The following ADAMTS2 variants were observed in gnomAD, a reference collection of about 807,000 sequenced individuals.
ADAMTS2 encodes the protein A disintegrin and metalloproteinase with thrombospondin motifs 2.
In ADAMTS2, 50 loss-of-function variants were observed where a neutral mutation model predicts 123.0. The ratio of observed to expected loss-of-function variants is 0.41; its 90% CI spans 0.32 to 0.51. The LOEUF is 0.51. Among genes scored for constraint, ADAMTS2 ranks in the 20% least tolerant of loss-of-function variants. The probability of loss-of-function intolerance (pLI) is 0.35; values close to 1 mark genes in which losing one functional copy is unlikely to be tolerated. For missense variants in ADAMTS2, 1,494 were observed against 1,705.2 expected (o/e 0.88, Z 2.18); for synonymous variants, 678 against 695.4 (o/e 0.98, Z 0.39).
intron 6 of ADAMTS2, among the ~76,000 whole-genome samples, chr5:179,156,961 C>CTTTTTTTTTTT (rs70997667): frequency 5.5e-5 from 6 of 108,336 alleles, no homozygotes; most frequent in Admixed American, 1.0e-4. Flanking sequence ...TTCATTTTTT[C>CTTTTTTTTTTT]TTTTTTTTTT....
chr5:179,171,472 A>G (rs1324144866), intron 5 of ADAMTS2, among the ~76,000 whole-genome samples: 1 of 152,224 alleles, frequency 6.6e-6, no homozygotes, highest in Non-Finnish European at 1.5e-5. Context: ...TCCAACCTAA[A>G]GCAACGAGGA....
rs972076648 is a variant in ADAMTS2, at chr5:179,159,154, T to C, written c.976-275A>G. On this transcript the variant is annotated intron_variant, in intron 5 of 21. Coordinates refer to ENST00000251582, the MANE Select transcript of ADAMTS2 (RefSeq NM_014244.5). ...TGCAGAAGCCAAGCTCTACGTCATC[T>C]AAGGCCTCGCATAGTCCCACCGTCT... Among the ~76,000 whole-genome samples, 4 of 152,236 alleles carry C rather than the reference T, an allele frequency of 2.6e-5. No individual in the cohort carries two copies. In the East Asian group the frequency reaches 7.7e-4, roughly 29 times the overall value.
intron 2 of ADAMTS2, among the ~76,000 whole-genome samples, chr5:179,273,504 C>T (rs969321983): frequency 2.0e-5 from 3 of 152,118 alleles, no homozygotes; most frequent in South Asian, 2.1e-4. Flanking sequence ...AACAGCCAGC[C>T]GGGGATTGAA....
At chr5:179,267,475 C>T (rs1360704450) in intron 3 of ADAMTS2, among the ~76,000 whole-genome samples, 3 of 152,174 alleles carry the variant, frequency 2.0e-5, no homozygotes, top group East Asian at 1.9e-4. Flanking sequence ...GTCACTGGCA[C>T]GTTGCTGTCT....
At chr5:179,315,933 G>A (rs1345643435) in intron 2 of ADAMTS2, among the ~76,000 whole-genome samples, 1 of 152,194 alleles carries the variant, frequency 6.6e-6, no homozygotes, top group Non-Finnish European at 1.5e-5. Flanking sequence ...TCGGGGAGGT[G>A]AGAGAAGGAA....
At chr5:179,142,622 T>C (rs1763190312) in intron 10 of ADAMTS2, among the ~76,000 whole-genome samples, 1 of 152,128 alleles carries the variant, frequency 6.6e-6, no homozygotes, top group South Asian at 2.1e-4. Context: ...GACCAGAAGC[T>C]TAATGGAAAG....
At chr5:179,278,171 CG>C (rs1766796370) in intron 2 of ADAMTS2, among the ~76,000 whole-genome samples, 3 of 108,070 alleles carry the variant, frequency 2.8e-5, no homozygotes, top group Non-Finnish European at 4.1e-5. Flanking sequence ...CTGACCCCCC[CG>C]AGACCAAAGG....
intron 3 of ADAMTS2, among the ~76,000 whole-genome samples, chr5:179,254,554 G>T (rs1447427251): frequency 6.6e-6 from 1 of 152,188 alleles, no homozygotes; most frequent in African/African-American, 2.4e-5. Flanking sequence ...GTCAGAGGAA[G>T]CAACTCAAAT....
chr5:179,164,478 C>T (rs963765735), intron 5 of ADAMTS2, among the ~76,000 whole-genome samples: 11 of 152,016 alleles, frequency 7.2e-5, no homozygotes, highest in African/African-American at 2.4e-4. Context: ...GGCTGCAGGG[C>T]GGGAGCAATG....
At position 179,175,399 on chromosome 5, in the gene ADAMTS2, G is replaced by A. The variant is rs951228421; in HGVS notation, c.975+5673C>T. Among the ~76,000 whole-genome samples, 3 of 152,224 alleles carry A rather than the reference G, an allele frequency of 2.0e-5. No homozygotes were observed. The highest frequency in any genetic ancestry group is 2.9e-5 in the Non-Finnish European group (2 of 68,038). On this transcript the variant is annotated intron_variant, in intron 5 of 21. Coordinates refer to ENST00000251582, the MANE Select transcript of ADAMTS2 (RefSeq NM_014244.5). This position sits in a 1 kb window ranked among gnomAD's most constrained non-coding sequence, Gnocchi z 4.1. ...TGAATCTGGGAAAGGCCAACCTCTCGATTATACCCAGCTTCCCATGAGGAC... is the reference window on the plus strand; with the variant it reads ...TGAATCTGGGAAAGGCCAACCTCTCAATTATACCCAGCTTCCCATGAGGAC...
At chr5:179,320,226 C>T (rs1757122945) in intron 2 of ADAMTS2, among the ~76,000 whole-genome samples, 1 of 152,248 alleles carries the variant, frequency 6.6e-6, no homozygotes, top group Admixed American at 6.5e-5. Context: ...CAGCTCCCTC[C>T]TCCAGCCTTC....
rs1255079500 is a variant in ADAMTS2, at chr5:179,129,872, C to A, written c.2457+60G>T. The A allele has an allele frequency of 6.2e-7, 1 of 1,604,746 alleles. No homozygotes were observed. Among genetic ancestry groups the A allele is most frequent in the East Asian group, 2.2e-5 (1 of 44,768 alleles). On this transcript the variant is annotated intron_variant, in intron 16 of 21. Coordinates refer to ENST00000251582, the MANE Select transcript of ADAMTS2 (RefSeq NM_014244.5). The surrounding 1 kb of genome is among the most constrained non-coding windows in gnomAD (Gnocchi z 4.1). ...AGGAGGCTCAGCGTCCCAGGCACCC[C>A]CATCCCTCCCCCAGTGGCCACCCGC...
chr5:179,157,697 T>C (rs1343747019), intron 6 of ADAMTS2, among the ~76,000 whole-genome samples: 2 of 151,760 alleles, frequency 1.3e-5, no homozygotes, highest in Non-Finnish European at 2.9e-5. Flanking sequence ...ATTTTTCCAA[T>C]GTCTAGTGAG....
At chr5:179,154,462 G>T (rs1763429603) in intron 7 of ADAMTS2, among the ~76,000 whole-genome samples, 2 of 152,206 alleles carry the variant, frequency 1.3e-5, no homozygotes, top group Non-Finnish European at 2.9e-5. Flanking sequence ...CCTGCCTCCA[G>T]GTTTCTAACC....
At position 179,332,977 on chromosome 5, in the gene ADAMTS2, C is replaced by T. The variant is rs2127459968; in HGVS notation, c.534+10790G>A. Among the ~76,000 whole-genome samples the T allele has an allele frequency of 6.6e-6, 1 of 152,300 alleles. No homozygotes were observed. The highest frequency in any genetic ancestry group is 6.5e-5 in the Admixed American group (1 of 15,306). ...CAGCTACTGCCCTGGGAGCCCTCACCCCCTTATCCTGCCCGCTTGCCTGTG... is the reference window on the plus strand; with the variant it reads ...CAGCTACTGCCCTGGGAGCCCTCACTCCCTTATCCTGCCCGCTTGCCTGTG... On this transcript the variant is annotated intron_variant, in intron 2 of 21. Transcript: ENST00000251582. This position sits in a 1 kb window ranked among gnomAD's most constrained non-coding sequence, Gnocchi z 4.2.
chr5:179,128,531 T>G lies in ADAMTS2; in HGVS notation c.2458-413A>C, dbSNP rs1433524805. Among the ~76,000 whole-genome samples, 1 of 152,252 alleles carries G rather than the reference T, an allele frequency of 6.6e-6. No individual in the cohort carries two copies. The highest frequency in any genetic ancestry group is 1.9e-4 in the East Asian group (1 of 5,162). ...CCTCAGCCTCCTGAGTAGCTGGGAT[T>G]ACAGGCGCCCGCCACCACGCCTGGC... On this transcript the variant is annotated intron_variant, in intron 16 of 21. Coordinates refer to ENST00000251582, the MANE Select transcript of ADAMTS2 (RefSeq NM_014244.5). This position sits in a 1 kb window ranked among gnomAD's most constrained non-coding sequence, Gnocchi z 4.9.
chr5:179,294,754 G>C (rs1478016268), intron 2 of ADAMTS2, among the ~76,000 whole-genome samples: 1 of 152,228 alleles, frequency 6.6e-6, no homozygotes, highest in African/African-American at 2.4e-5. Flanking sequence ...CCAAGCGGAG[G>C]GGCTTGCTTT....
At chr5:179,334,393 A>C (rs1264479853) in intron 2 of ADAMTS2, among the ~76,000 whole-genome samples, 2 of 152,236 alleles carry the variant, frequency 1.3e-5, no homozygotes, top group East Asian at 1.9e-4. Context: ...AGGTGAGAGA[A>C]GGGAGCGTTA....
In ADAMTS2 at chr5:179,228,705, AAAGCCAGCGGACATCC is replaced by A. The variant is rs1323499519; in HGVS notation, c.689-21006_689-20991del. Among the ~76,000 whole-genome samples, 1 of 152,164 alleles carries A rather than the reference AAAGCCAGCGGACATCC, an allele frequency of 6.6e-6. No homozygotes were observed. The highest frequency in any genetic ancestry group is 1.5e-5 in the Non-Finnish European group (1 of 68,022). ...CCTTAAGGCAGGCAGAACACTAACC[AAAGCCAGCGGACATCC>A]ACTGCCTGCGGAGCATCTGGGGAAG... is the stretch of plus-strand genomic sequence containing the variant. On this transcript the variant is annotated intron_variant, in intron 3 of 21. Coordinates refer to ENST00000251582, the MANE Select transcript of ADAMTS2 (RefSeq NM_014244.5). This position sits in a 1 kb window ranked among gnomAD's most constrained non-coding sequence, Gnocchi z 5.2.
Sources: allele counts gnomAD v4.1 joint callset (sites outside exome capture counted in the v4.1 genomes callset), GRCh38; gene constraint gnomAD v4.1.1; non-coding constraint Gnocchi (gnomAD v3.1); transcripts MANE v1.5; gene names NCBI Gene and HGNC (gene_info 2026-07-23, HGNC 2026-07-21).